The following STOX2 variants were observed in gnomAD, a reference collection of about 807,000 sequenced individuals.
STOX2 encodes the protein storkhead box 2.
A neutral mutation model predicts 60.9 loss-of-function variants in STOX2; 28 were observed. The observed-to-expected ratio is 0.46, with a 90% CI of 0.34 to 0.63. The LOEUF is 0.63. Among genes scored for constraint, STOX2 ranks in the 30% least tolerant of loss-of-function variants. The pLI is 0.01. For missense variants in STOX2, 1,024 were observed against 1,187.7 expected (o/e 0.86, Z 2.03); for synonymous variants, 472 against 463.9 (o/e 1.02, Z -0.22).
At chr4:183,904,079 C>T (rs1418578762), upstream of STOX2, among the ~76,000 whole-genome samples, 4 of 152,156 alleles carry the variant, frequency 2.6e-5, no homozygotes, top group Admixed American at 6.5e-5. Context: ...ATAAGGAGCA[C>T]GCAACCCAGA....
chr4:183,841,770 T>C (rs975698307), intron 1 of STOX2, among the ~76,000 whole-genome samples: 1 of 152,236 alleles, frequency 6.6e-6, no homozygotes, highest in African/African-American at 2.4e-5. Flanking sequence ...AGGAATTTCT[T>C]ATTGGATGAA....
At chr4:183,944,397 A>G (rs955461268) in intron 1 of STOX2, among the ~76,000 whole-genome samples, 1 of 152,196 alleles carries the variant, frequency 6.6e-6, no homozygotes, top group Non-Finnish European at 1.5e-5. Flanking sequence ...TGCTCATCAG[A>G]TATTTACTGA....
intron 1 of STOX2, among the ~76,000 whole-genome samples, chr4:183,914,499 TGC>T (rs1219862105): frequency 6.6e-6 from 1 of 152,184 alleles, no homozygotes; most frequent in Non-Finnish European, 1.5e-5. Context: ...GTTGGAAGAA[TGC>T]AGTAAATGAC....
rs151283336 is a variant in STOX2, at chr4:183,968,634, G to A, written c.167-32691G>A. 3.9e-3 allele frequency among the ~76,000 whole-genome samples: 596 copies of A among 152,284 alleles called. 1 individual carries two copies. The highest frequency in any genetic ancestry group is 6.5e-3 in the Non-Finnish European group (444 of 68,024). On this transcript the variant is annotated intron_variant, in intron 1 of 3. Coordinates refer to ENST00000308497, the MANE Select transcript of STOX2 (RefSeq NM_020225.3). ...TCCTGCCACCTTCGCTGCTACAAAC[G>A]CAGGGCTGAAAAGACCAACCCTTTT... is the stretch of plus-strand genomic sequence containing the variant.
At chr4:184,012,434 A>T (rs1184682110) in intron 3 of STOX2, among the ~76,000 whole-genome samples, 1 of 152,214 alleles carries the variant, frequency 6.6e-6, no homozygotes, top group Non-Finnish European at 1.5e-5. Flanking sequence ...TGTACTTCAT[A>T]TATTTAATTA....
chr4:183,966,826 G>T (rs1169941699), intron 1 of STOX2, among the ~76,000 whole-genome samples: 3 of 152,082 alleles, frequency 2.0e-5, no homozygotes, highest in Non-Finnish European at 4.4e-5. Context: ...GTCAAATTTT[G>T]CTTTTTTCTT....
At chr4:183,800,767 G>C (rs1044547576) in intron 1 of STOX2, among the ~76,000 whole-genome samples, 23 of 152,198 alleles carry the variant, frequency 1.5e-4, no homozygotes, top group African/African-American at 4.1e-4. Context: ...TGATCTCTTA[G>C]ATCCCACCAT....
intron 1 of STOX2, among the ~76,000 whole-genome samples, chr4:183,921,133 GAGGCTAGGATCTATGAGGATAGCAGT>G (rs1742089886): frequency 1.3e-5 from 2 of 152,168 alleles, no homozygotes; most frequent in African/African-American, 2.4e-5. Context: ...AGGATAGCAG[GAGGCTAGGATCTATGAGGATAGCAGT>G]AGGCTAGGAT....
chr4:183,823,573 G>T (rs1485135420), intron 1 of STOX2, among the ~76,000 whole-genome samples: 1 of 152,196 alleles, frequency 6.6e-6, no homozygotes, highest in Non-Finnish European at 1.5e-5. Context: ...GGAATGTGGA[G>T]CTGTGCTCTC....
chr4:184,023,500 T>A lies in STOX2; in HGVS notation c.*6216T>A, dbSNP rs1351766274. The A allele has an allele frequency of 1.3e-5, 2 of 152,260 alleles. No homozygotes were observed. The highest frequency in any genetic ancestry group is 2.9e-5 in the Non-Finnish European group (2 of 68,046). 9.4% of individuals were successfully genotyped at this position (152,260 alleles called of 1,614,324 possible). ...ATCCATTTTGGATTGTGTTACTTTT[T>A]AAGATATTAAATAACATTTGGTTAT... On this transcript the variant is annotated 3_prime_UTR_variant, in exon 4 of 4. Transcript: ENST00000308497.
intron 1 of STOX2, among the ~76,000 whole-genome samples, chr4:183,890,416 G>C (rs1166584506): frequency 6.6e-6 from 1 of 151,406 alleles, no homozygotes; most frequent in Non-Finnish European, 1.5e-5. Context: ...CCGGGAGGTG[G>C]AGGCTGCAGT....
chr4:183,952,757 T>C (rs899646920), intron 1 of STOX2, among the ~76,000 whole-genome samples: 11 of 152,212 alleles, frequency 7.2e-5, no homozygotes, highest in African/African-American at 2.4e-4. Context: ...CACCATTTTC[T>C]TTACTGTAGG....
Position 184,010,891 on chromosome 4 carries a change from G to T in STOX2, c.2053G>T (p.Gly685Cys). Residue 685 changes from glycine to cysteine, a missense_variant, in exon 3 of 4, where the codon GGT becomes TGT. Transcript: ENST00000308497. The surrounding 1 kb of genome is among the most constrained non-coding windows in gnomAD (Gnocchi z 4.5). ...CAACGGACGCCTCGTCCAGCACCAT[G>T]GTGCCGAGCCCAGCAGCTTGGACAA... The part of the protein sequence containing the change: ...IANGRLVQHH[G>C]AEPSSLDKRK... 6.2e-7 allele frequency: 1 copy of T among 1,612,694 alleles called. No individual in the cohort carries two copies. Among genetic ancestry groups the T allele is most frequent in the Middle Eastern group, 1.6e-4 (1 of 6,062 alleles).
intron 1 of STOX2, among the ~76,000 whole-genome samples, chr4:183,955,864 G>A (rs6853019): frequency 0.014 from 2,074 of 152,252 alleles, 23 homozygotes; most frequent in Non-Finnish European, 0.023. Flanking sequence ...CCTGCCTGCA[G>A]AGCGATCTGT....
intron 1 of STOX2, among the ~76,000 whole-genome samples, chr4:183,891,971 T>A (rs552245079): frequency 6.6e-6 from 1 of 152,296 alleles, no homozygotes; most frequent in South Asian, 2.1e-4. Flanking sequence ...GAGGAAGAAC[T>A]GAGAAGAGCG....
intron 1 of STOX2, among the ~76,000 whole-genome samples, chr4:183,880,641 C>G (rs959824184): frequency 1.3e-5 from 2 of 152,154 alleles, no homozygotes; most frequent in Non-Finnish European, 2.9e-5. Flanking sequence ...TTAGAATTAA[C>G]TTGGGGCCTT....
chr4:183,860,438 AAAAC>A (rs1388272176), intron 1 of STOX2, among the ~76,000 whole-genome samples: 2 of 95,190 alleles, frequency 2.1e-5, no homozygotes, highest in Non-Finnish European at 4.5e-5. Flanking sequence ...CAAAAAACAA[AAAAC>A]AAAAAAAAAA....
At chr4:183,822,941 C>T (rs965100914) in intron 1 of STOX2, among the ~76,000 whole-genome samples, 5 of 152,368 alleles carry the variant, frequency 3.3e-5, no homozygotes, top group Middle Eastern at 3.4e-3. Flanking sequence ...CCTGACTCCA[C>T]GGCTGAGCCT....
rs767162892 is a variant in STOX2, at chr4:184,017,252, A to G, written c.2749A>G (p.Asn917Asp). The change falls in exon 4 of 4, where the codon AAC (asparagine) becomes GAC (aspartate). Residue 917 changes from asparagine (N) to aspartate (D), a missense_variant. Transcript: ENST00000308497. ...NEAEKLQKPSNCLQASVTSV is the reference protein window; with the variant it reads ...NEAEKLQKPSDCLQASVTSV ...AGCTGAGAAGCTACAGAAACCTTCCAACTGCTTGCAAGCTTCTGTTACTAG... is the reference window on the plus strand; with the variant it reads ...AGCTGAGAAGCTACAGAAACCTTCCGACTGCTTGCAAGCTTCTGTTACTAG... 2 of 1,602,246 alleles carry G rather than the reference A, an allele frequency of 1.2e-6. No homozygotes were observed. Among genetic ancestry groups the G allele is most frequent in the African/African-American group, 2.7e-5 (2 of 74,614 alleles).
Sources: gnomAD v4.1 joint callset for allele counts (sites outside exome capture counted in the v4.1 genomes callset) on GRCh38, gnomAD v4.1.1 for gene constraint, Gnocchi (gnomAD v3.1) non-coding constraint, MANE v1.5 for transcripts, NCBI Gene and HGNC (gene_info 2026-07-23, HGNC 2026-07-21) for gene names.